Variants in GFRA2 observed in about 807,000 individuals in gnomAD.
GFRA2 encodes the protein GDNF family receptor alpha-2.
A neutral mutation model predicts 48.3 loss-of-function variants in GFRA2; 17 were observed. That is an observed-to-expected ratio of 0.35 (90% CI 0.24 to 0.53). The LOEUF (loss-of-function observed/expected upper bound fraction) is 0.53. Ranked by LOEUF, GFRA2 falls within the 20% of genes least tolerant of loss-of-function variation. The pLI is 0.93. For synonymous variants in GFRA2, 305 were observed against 257.2 expected (o/e 1.19, Z -1.78); for missense variants, 660 against 637.3 (o/e 1.04, Z -0.38).
At chr8:21,809,660 C>T (rs555541041) in intron 1 of GFRA2, among the ~76,000 whole-genome samples, 1 of 152,298 alleles carries the variant, frequency 6.6e-6, no homozygotes, top group South Asian at 2.1e-4. Context: ...TAGTTGAGGC[C>T]TGTACCCCCC....
intron 4 of GFRA2, among the ~76,000 whole-genome samples, chr8:21,711,827 G>A (rs544609628): frequency 1.1e-4 from 17 of 152,140 alleles, no homozygotes; most frequent in Middle Eastern, 6.8e-3. Flanking sequence ...AGGACCCTGC[G>A]GCCTTCCGCA....
At chr8:21,697,205 AAAGGGGAGGGGAGGGCATGGT>A (rs976118804) in intron 7 of GFRA2, among the ~76,000 whole-genome samples, 2 of 31,600 alleles carry the variant, frequency 6.3e-5, no homozygotes, top group Non-Finnish European at 1.4e-4. Flanking sequence ...GGACAAACGG[AAAGGGGAGGGGAGGGCATGGT>A]AAGGGGAGGA....
rs115928029 is a variant in GFRA2, at chr8:21,750,303, A to G, written c.794+285T>C. On this transcript the variant is annotated intron_variant, in intron 4 of 8. Coordinates refer to ENST00000524240, the MANE Select transcript of GFRA2 (RefSeq NM_001495.5). This position sits in a 1 kb window ranked among gnomAD's most constrained non-coding sequence, Gnocchi z 5.7. ...AAATTATAAGCTCCTTGGGTTGTTC[A>G]TTTTGGTTTCCCCAGCTGAGCACAA... Among the ~76,000 whole-genome samples the G allele has an allele frequency of 5.1e-3, 770 of 152,266 alleles. 5 individuals are homozygous for G. The highest frequency in any genetic ancestry group is 0.017 in the African/African-American group (723 of 41,546).
intron 2 of GFRA2, among the ~76,000 whole-genome samples, chr8:21,800,925 CAAAAA>C (rs34924711): frequency 6.2e-5 from 7 of 112,564 alleles, no homozygotes; most frequent in Admixed American, 1.8e-4. Context: ...GACCTGGTGT[CAAAAA>C]AAAAAAAAAA....
At position 21,702,824 on chromosome 8, in the gene GFRA2, G is replaced by A. The variant is rs76990589; in HGVS notation, c.1199C>T (p.Thr400Ile). 1.2e-4 allele frequency: 191 copies of A among 1,608,758 alleles called. No homozygotes were observed. The highest frequency in any genetic ancestry group is 2.7e-4 in the Admixed American group (16 of 59,550). ...DSTSLGTSVI[T>I]TCTSVQEQGL... ...CCTCACCTGGACAGACGTGCAGGTG[G>A]TGATGACACTGGTCCCCAAGCTGGT... The change falls in exon 7 of 9, where the codon ACC becomes ATC. Residue 400 changes from threonine to isoleucine, a missense_variant. Thr to Ile is a moderately conservative substitution (Grantham distance 89). Transcript: ENST00000524240.
chr8:21,730,657 A>G (rs1212466467), intron 4 of GFRA2, among the ~76,000 whole-genome samples: 3 of 152,014 alleles, frequency 2.0e-5, no homozygotes, highest in Admixed American at 2.0e-4. Context: ...CAGGTACTAC[A>G]CTCAGAAACA....
At chr8:21,807,290 G>A (rs971516100) in intron 1 of GFRA2, among the ~76,000 whole-genome samples, 1 of 152,146 alleles carries the variant, frequency 6.6e-6, no homozygotes, top group Admixed American at 6.6e-5. Context: ...GCCACCTCTT[G>A]CTGTCTTGCT....
intron 3 of GFRA2, among the ~76,000 whole-genome samples, chr8:21,751,408 C>T (rs1335869700): frequency 1.3e-5 from 2 of 152,212 alleles, no homozygotes; most frequent in African/African-American, 4.8e-5. Context: ...GTGCAGACAG[C>T]ACACACATGC....
chr8:21,791,609 G>A (rs1807575771), upstream of GFRA2, among the ~76,000 whole-genome samples: 1 of 152,214 alleles, frequency 6.6e-6, no homozygotes, highest in African/African-American at 2.4e-5. Context: ...ACACCTTATA[G>A]ATAAGAGGAC....
intron 3 of GFRA2, among the ~76,000 whole-genome samples, chr8:21,758,224 CACA>C (rs1585305926): frequency 6.6e-5 from 10 of 151,700 alleles, no homozygotes; most frequent in Admixed American, 3.9e-4. Context: ...CACACACACA[CACA>C]CCTCACCCAG....
intron 4 of GFRA2, among the ~76,000 whole-genome samples, chr8:21,714,826 G>T (rs1376114061): frequency 6.6e-6 from 1 of 152,178 alleles, no homozygotes; most frequent in Non-Finnish European, 1.5e-5. Context: ...GCGGCCACCA[G>T]CACTGCCTGA....
intron 4 of GFRA2, among the ~76,000 whole-genome samples, chr8:21,748,830 T>TCC (rs1805135158): frequency 2.0e-5 from 3 of 151,996 alleles, no homozygotes. Context: ...CCGACTTGCC[T>TCC]CCCATCACGG....
chr8:21,743,235 G>A (rs1804841150), intron 4 of GFRA2, among the ~76,000 whole-genome samples: 1 of 152,200 alleles, frequency 6.6e-6, no homozygotes, highest in East Asian at 1.9e-4. Flanking sequence ...CAGGAAGGGG[G>A]TGGCCTTTTC....
chr8:21,725,409 G>A (rs35395200), intron 4 of GFRA2, among the ~76,000 whole-genome samples: 17,899 of 152,318 alleles, frequency 0.12, 1,353 homozygotes, highest in Non-Finnish European at 0.16. Flanking sequence ...TGCCCAGCCT[G>A]GGGCGGGGGG....
chr8:21,787,273 A>AGGGGGGG (rs1585344097), intron 1 of GFRA2, among the ~76,000 whole-genome samples: 35 of 51,766 alleles, frequency 6.8e-4, no homozygotes, highest in Admixed American at 9.4e-4. Context: ...CGGGGGGGGC[A>AGGGGGGG]GTGGGGGGGG....
chr8:21,701,638 C>G (rs1347105756), intron 7 of GFRA2, among the ~76,000 whole-genome samples: 1 of 152,142 alleles, frequency 6.6e-6, no homozygotes, highest in Non-Finnish European at 1.5e-5. Flanking sequence ...GCCTAACATT[C>G]GTGCAGCATT....
chr8:21,790,111 G>A (rs113974916), upstream of GFRA2: 4,770 of 985,062 alleles, frequency 4.8e-3, 191 homozygotes, highest in African/African-American at 0.076. Flanking sequence ...ACGCCCAGAA[G>A]GACCTAAAAG....
chr8:21,741,254 C>T (rs1221966814), intron 4 of GFRA2, among the ~76,000 whole-genome samples: 8 of 152,196 alleles, frequency 5.3e-5, no homozygotes, highest in African/African-American at 1.9e-4. Flanking sequence ...CCCCGCTGCC[C>T]CAGCCACACC....
rs529629546 is a variant in GFRA2 at position 21,730,052 on chromosome 8, G to A, written c.794+20536C>T. On this transcript the variant is annotated intron_variant, in intron 4 of 8. Transcript: ENST00000524240. ...GAGGGCCTCTCTTGGTGGGAGGGGG[G>A]GCCTCATAAAGGTGTTTCCTGGGTT... 1.2e-4 allele frequency among the ~76,000 whole-genome samples: 19 copies of A among 152,164 alleles called. No homozygotes were observed. In the South Asian group the frequency reaches 2.3e-3, roughly 18 times the overall value.
Sources: allele counts gnomAD v4.1 joint callset (sites outside exome capture counted in the v4.1 genomes callset), GRCh38; gene constraint gnomAD v4.1.1; non-coding constraint Gnocchi (gnomAD v3.1); transcripts MANE v1.5; gene names NCBI Gene and HGNC (gene_info 2026-07-23, HGNC 2026-07-21).